Variants in ATP13A4 observed in about 807,000 individuals in gnomAD.
ATP13A4 encodes probable cation-transporting ATPase 13A4.
A neutral mutation model predicts 142.5 loss-of-function variants in ATP13A4; 114 were observed. That is an observed-to-expected ratio of 0.80 (90% confidence interval 0.69 to 0.93). ATP13A4 has a LOEUF of 0.93. Among genes scored for constraint, ATP13A4 ranks in the 40% least tolerant of loss-of-function variants. The pLI is 0.00. For synonymous variants in ATP13A4, 488 were observed against 514.8 expected (o/e 0.95, Z 0.70); for missense variants, 1,392 against 1,454.0 (o/e 0.96, Z 0.69).
chr3:193,557,874 A>T (rs1265559671), upstream of ATP13A4, among the ~76,000 whole-genome samples: 4 of 152,258 alleles, frequency 2.6e-5, no homozygotes, highest in Non-Finnish European at 4.4e-5. Flanking sequence ...GCCGCAGGAA[A>T]GAGCATTTGA....
intron 7 of ATP13A4, among the ~76,000 whole-genome samples, chr3:193,486,100 T>C (rs1272335696): frequency 6.6e-6 from 1 of 150,484 alleles, no homozygotes. Flanking sequence ...AATTAATAAA[T>C]ATTTTATGAT....
At chr3:193,475,347 T>C (rs1242659651) in intron 8 of ATP13A4, among the ~76,000 whole-genome samples, 17 of 152,060 alleles carry the variant, frequency 1.1e-4, no homozygotes, top group Admixed American at 1.1e-3. Flanking sequence ...ATATACTAAA[T>C]GGTCCCTGGG....
intron 2 of ATP13A4, 141 bp downstream of exon 2, chr3:193,514,557 G>T: frequency 9.3e-7 from 1 of 1,076,052 alleles, no homozygotes; most frequent in South Asian, 1.4e-5. Context: ...CTAGATGCAA[G>T]GCTGTGATGA....
rs568219358 is a variant in ATP13A4, at chr3:193,435,719, A to C, written c.2698T>G (p.Ser900Ala). The C allele has an allele frequency of 1.9e-6, 3 of 1,613,980 alleles. No individual in the cohort carries two copies. In the African/African-American group the frequency reaches 4.0e-5, roughly 22 times the overall value. Reference sequence around the variant, plus strand: ...GCCATGTACTTAAACATGCAAAAGGAGGTAACGAGAGCTGCACGTCCTTCC... The same window carrying C: ...GCCATGTACTTAAACATGCAAAAGGCGGTAACGAGAGCTGCACGTCCTTCC... ...IKEGRAALVT[S>A]FCMFKYMALY... The change falls in exon 24 of 30, where the codon TCC (serine) becomes GCC (alanine). Residue 900 changes from serine (S) to alanine (A), a missense_variant. Ser to Ala is a moderately conservative substitution (Grantham distance 99, BLOSUM62 1). Coordinates refer to ENST00000342695, the MANE Select transcript of ATP13A4 (RefSeq NM_032279.4).
At position 193,419,235 on chromosome 3, in the gene ATP13A4, T is replaced by A. The variant is rs1425700943; in HGVS notation, c.2843-4485A>T. 1.3e-5 allele frequency among the ~76,000 whole-genome samples: 2 copies of A among 149,732 alleles called. 1 individual carries two copies. The highest frequency in any genetic ancestry group is 4.2e-4 in the East Asian group (2 of 4,786). On this transcript the variant is annotated intron_variant, in intron 25 of 29. Transcript: ENST00000342695. Reference sequence around the variant, plus strand: ...TGAACCTGTGCACTGCCTCTGGTAATGCAGTGGAAGAAAAAGAGTACTATG... The same window carrying A: ...TGAACCTGTGCACTGCCTCTGGTAAAGCAGTGGAAGAAAAAGAGTACTATG...
intron 7 of ATP13A4, among the ~76,000 whole-genome samples, chr3:193,485,777 G>A (rs1281417639): frequency 6.6e-6 from 1 of 152,012 alleles, no homozygotes; most frequent in Non-Finnish European, 1.5e-5. Flanking sequence ...GAGACGCCTT[G>A]TCTCTTTCAC....
At chr3:193,441,704 T>C (rs929765032) in intron 19 of ATP13A4, 116 bp from the exon 20 acceptor site, 2 of 1,266,540 alleles carry the variant, frequency 1.6e-6, no homozygotes, top group Non-Finnish European at 2.3e-6. Flanking sequence ...TAAAAGTCAC[T>C]CTGATTCCTC....
chr3:193,437,122 A>T (rs1337455788), intron 23 of ATP13A4, among the ~76,000 whole-genome samples: 1 of 150,100 alleles, frequency 6.7e-6, no homozygotes. Flanking sequence ...AAAAAAAAAA[A>T]CCTGATCCTC....
chr3:193,557,361 T>C (rs923786867), upstream of ATP13A4, among the ~76,000 whole-genome samples: 2 of 152,220 alleles, frequency 1.3e-5, no homozygotes, highest in African/African-American at 4.8e-5. Flanking sequence ...ACACTGCTTA[T>C]GGACAGCACT....
chr3:193,583,609 T>C (rs1724614211), intron 1 of ATP13A4, among the ~76,000 whole-genome samples: 1 of 151,524 alleles, frequency 6.6e-6, no homozygotes, highest in Non-Finnish European at 1.5e-5. Context: ...GTTGTTACAG[T>C]AGAAAGATCC....
Position 193,399,490 on chromosome 3 carries a change from G to C in ATP13A4, c.*3162C>G, listed in dbSNP as rs1714194698. Among the ~76,000 whole-genome samples, 1 of 152,094 alleles carries C rather than the reference G, an allele frequency of 6.6e-6. No homozygotes were observed. On this transcript the variant is annotated 3_prime_UTR_variant, in exon 30 of 30. Coordinates refer to ENST00000342695, the MANE Select transcript of ATP13A4 (RefSeq NM_032279.4). ...TGTCCACACAATCGGATCTGACAAG[G>C]CTGGGAGCCCTCCCTCCAGAGCCCA...
chr3:193,425,244 A>G (rs1003857470), intron 25 of ATP13A4, among the ~76,000 whole-genome samples: 4 of 151,744 alleles, frequency 2.6e-5, no homozygotes, highest in Non-Finnish European at 5.9e-5. Flanking sequence ...AAAAGAGAAC[A>G]CTTACATACT....
intron 28 of ATP13A4, among the ~76,000 whole-genome samples, chr3:193,407,950 C>T (rs1714584411): frequency 6.6e-6 from 1 of 152,238 alleles, no homozygotes; most frequent in African/African-American, 2.4e-5. Flanking sequence ...CACAGTGTGC[C>T]CTCACAAGGG....
chr3:193,484,099 G>A, intron 7 of ATP13A4, 94 bp from the exon 8 acceptor site: 5 of 1,041,276 alleles, frequency 4.8e-6, no homozygotes, highest in Non-Finnish European at 7.5e-6. Flanking sequence ...ATAGAGCACT[G>A]TCTTACTGCC....
intron 2 of ATP13A4, among the ~76,000 whole-genome samples, chr3:193,505,892 T>G (rs1423322818): frequency 6.6e-6 from 1 of 152,232 alleles, no homozygotes; most frequent in African/African-American, 2.4e-5. Context: ...AGCTCTAAAC[T>G]GTCTTACAAC....
intron 2 of ATP13A4, among the ~76,000 whole-genome samples, chr3:193,503,473 A>T (rs1720673716): frequency 6.6e-6 from 1 of 152,160 alleles, no homozygotes; most frequent in Non-Finnish European, 1.5e-5. Context: ...CATAAAACCC[A>T]CTCAGATGAC....
At chr3:193,571,760 T>C (rs7649917) in intron 2 of ATP13A4, among the ~76,000 whole-genome samples, 52,516 of 151,946 alleles carry the variant, frequency 0.35, 10,815 homozygotes, top group African/African-American at 0.58. Flanking sequence ...GGAAATGTCA[T>C]GGTCTAGGTG....
chr3:193,574,684 C>A (rs1724356865), intron 2 of ATP13A4, among the ~76,000 whole-genome samples: 1 of 152,140 alleles, frequency 6.6e-6, no homozygotes, highest in African/African-American at 2.4e-5. Flanking sequence ...CCACTGCATT[C>A]CAGCCTGGGT....
chr3:193,464,272 G>A (rs1043421589), intron 12 of ATP13A4, among the ~76,000 whole-genome samples: 5 of 152,086 alleles, frequency 3.3e-5, no homozygotes, highest in African/African-American at 1.2e-4. Context: ...CTGCCTCCAG[G>A]CCTCTACCCA....
Sources: gnomAD v4.1 joint callset for allele counts (sites outside exome capture counted in the v4.1 genomes callset) on GRCh38, gnomAD v4.1.1 for gene constraint, MANE v1.5 for transcripts, NCBI Gene and HGNC (gene_info 2026-07-23, HGNC 2026-07-21) for gene names.